Variants in KANK1 observed in about 807,000 individuals in gnomAD.
KANK1 encodes KN motif and ankyrin repeat domains 1.
In KANK1, 109 loss-of-function variants were observed where a neutral mutation model predicts 106.2. The ratio of observed to expected loss-of-function variants is 1.03; its 90% CI spans 0.88 to 1.20. The LOEUF is 1.20. Ranked by LOEUF, KANK1 falls within the 50% of genes most tolerant of loss-of-function variation. The pLI is 0.00. For synonymous variants in KANK1, 873 were observed against 652.2 expected (o/e 1.34, Z -5.16); for missense variants, 2,399 against 1,710.7 (o/e 1.40, Z -7.10).
intron 1 of KANK1, among the ~76,000 whole-genome samples, chr9:635,694 C>CTTTTTTTTTTTTTTTTTTTTT (rs1162836319): frequency 9.7e-6 from 1 of 103,374 alleles, no homozygotes; most frequent in Non-Finnish European, 1.8e-5. Flanking sequence ...CCTTTTTATT[C>CTTTTTTTTTTTTTTTTTTTTT]TTTTTTTTTT....
At chr9:681,907 T>C (rs189571985) in intron 2 of KANK1, among the ~76,000 whole-genome samples, 106 of 152,344 alleles carry the variant, frequency 7.0e-4, no homozygotes, top group African/African-American at 2.4e-3. Flanking sequence ...TCATGCTCTT[T>C]CTTTTTTTGC....
intron 1 of KANK1, among the ~76,000 whole-genome samples, chr9:608,586 C>T (rs977711990): frequency 6.7e-6 from 1 of 149,292 alleles, no homozygotes; most frequent in African/African-American, 2.6e-5. Context: ...AGAGTGGGCT[C>T]TCTCTCTAGT....
At position 712,366 on chromosome 9, in the gene KANK1, G is replaced by T. The variant is rs112166059; in HGVS notation, c.1600G>T (p.Val534Leu). The T allele has an allele frequency of 6.2e-7, 1 of 1,614,090 alleles. No homozygotes were observed. The highest frequency in any genetic ancestry group is 8.5e-7 in the Non-Finnish European group (1 of 1,180,050). ...DQMVGSHMDL[V>L]DTCVGTSVET... ...AATGGTCGGCAGTCACATGGACCTGGTGGACACGTGTGTTGGGACCTCCGT... is the reference window on the plus strand; with the variant it reads ...AATGGTCGGCAGTCACATGGACCTGTTGGACACGTGTGTTGGGACCTCCGT... The change falls in exon 3 of 12, where the codon GTG becomes TTG. Residue 534 changes from valine (V) to leucine (L), a missense_variant. Transcript: ENST00000382297.
At position 711,397 on chromosome 9, in the gene KANK1, C is replaced by A. The variant is rs1564036881; in HGVS notation, c.631C>A (p.Gln211Lys). The A allele has an allele frequency of 6.2e-7, 1 of 1,614,048 alleles. No individual in the cohort carries two copies. The highest frequency in any genetic ancestry group is 1.3e-5 in the African/African-American group (1 of 74,938). ...TGGAAACCACAATCCTGCCAAGCAC[C>A]AGCTTCAGAATGGATACCAAGGTAA... ...GSGNHNPAKHQLQNGYQGNGD... is the reference protein window; with the variant it reads ...GSGNHNPAKHKLQNGYQGNGD... Residue 211 changes from glutamine (Q) to lysine (K), a missense_variant, in exon 3 of 12, where the codon CAG (glutamine) becomes AAG (lysine). Gln to Lys is a moderately conservative substitution (Grantham distance 53, BLOSUM62 1). Transcript: ENST00000382297.
intron 11 of KANK1, 150 bp from the exon 12 acceptor site, chr9:745,023 A>G (rs1745248210): frequency 1.3e-6 from 2 of 1,508,106 alleles, no homozygotes; most frequent in Admixed American, 4.6e-5. Flanking sequence ...GGAGCTGTGG[A>G]CACCTGTTCC....
chr9:745,143 C>T (rs202195851), intron 11 of KANK1, 30 bp from the exon 12 acceptor site: 2 of 1,611,402 alleles, frequency 1.2e-6, no homozygotes, highest in Non-Finnish European at 1.7e-6. Flanking sequence ...ACTTATTAAC[C>T]CCCAGTTTTT....
chr9:498,476 G>C (rs1024838579), intron 3 of KANK1, among the ~76,000 whole-genome samples: 5 of 152,206 alleles, frequency 3.3e-5, no homozygotes, highest in African/African-American at 9.7e-5. Flanking sequence ...CAGTAGGATA[G>C]TCCTCCTTGT....
intron 1 of KANK1, among the ~76,000 whole-genome samples, chr9:537,371 C>T (rs916087526): frequency 6.6e-6 from 1 of 152,174 alleles, no homozygotes; most frequent in African/African-American, 2.4e-5. Flanking sequence ...CAGGCCCTCA[C>T]AAGTTAAATC....
chr9:516,964 C>T (rs1184119625), intron 1 of KANK1, among the ~76,000 whole-genome samples: 1 of 146,894 alleles, frequency 6.8e-6, no homozygotes, highest in Non-Finnish European at 1.5e-5. Context: ...GCCAGGTGTG[C>T]ATCTGAGTGT....
chr9:574,232 T>G (rs1819949989), intron 1 of KANK1, among the ~76,000 whole-genome samples: 2 of 152,214 alleles, frequency 1.3e-5, no homozygotes, highest in Non-Finnish European at 2.9e-5. Context: ...AGGCTAAGGA[T>G]CATGAGGATG....
intron 2 of KANK1, among the ~76,000 whole-genome samples, chr9:679,685 G>T (rs1163442405): frequency 6.6e-6 from 1 of 152,172 alleles, no homozygotes; most frequent in Non-Finnish European, 1.5e-5. Context: ...GGGATTACAG[G>T]CATGAGCCAC....
intron 2 of KANK1, among the ~76,000 whole-genome samples, chr9:692,751 A>C (rs1255439703): frequency 6.6e-6 from 1 of 151,916 alleles, no homozygotes; most frequent in Non-Finnish European, 1.5e-5. Context: ...GTGGTGGTTC[A>C]TGCCTGTAAT....
chr9:577,184 C>T (rs1820791903), intron 1 of KANK1, among the ~76,000 whole-genome samples: 1 of 152,194 alleles, frequency 6.6e-6, no homozygotes, highest in Non-Finnish European at 1.5e-5. Flanking sequence ...AAGCGGGTTG[C>T]CTCTGCTGGC....
chr9:540,860 T>G (rs1446230697), intron 1 of KANK1, among the ~76,000 whole-genome samples: 1 of 152,214 alleles, frequency 6.6e-6, no homozygotes, highest in African/African-American at 2.4e-5. Context: ...GTGGTATCAA[T>G]TGTAATGTCT....
intron 3 of KANK1, among the ~76,000 whole-genome samples, chr9:723,319 C>T (rs552681648): frequency 7.2e-5 from 11 of 152,148 alleles, no homozygotes; most frequent in Non-Finnish European, 1.6e-4. Context: ...AATTATAGCA[C>T]CTGGTATTCC....
At chr9:496,561 T>C (rs1192970872) in intron 3 of KANK1, among the ~76,000 whole-genome samples, 1 of 152,024 alleles carries the variant, frequency 6.6e-6, no homozygotes, top group Admixed American at 6.6e-5. Context: ...CATCTCAAAA[T>C]AAATAAATAC....
At chr9:719,523 A>G (rs576528388) in intron 3 of KANK1, among the ~76,000 whole-genome samples, 2 of 152,342 alleles carry the variant, frequency 1.3e-5, no homozygotes, top group African/African-American at 2.4e-5. Context: ...TCTTGGCACT[A>G]TCAATACAAA....
At chr9:578,420 G>A (rs961598343) in intron 1 of KANK1, among the ~76,000 whole-genome samples, 4 of 151,904 alleles carry the variant, frequency 2.6e-5, no homozygotes, top group African/African-American at 9.7e-5. Flanking sequence ...ATGGACCACA[G>A]ACAATTAAAT....
At chr9:596,554 T>C (rs1563830500) in intron 1 of KANK1, among the ~76,000 whole-genome samples, 1 of 151,718 alleles carries the variant, frequency 6.6e-6, no homozygotes, top group Non-Finnish European at 1.5e-5. Flanking sequence ...CCTTTTCCCC[T>C]GGCAATAGCT....
Sources: allele counts gnomAD v4.1 joint callset (sites outside exome capture counted in the v4.1 genomes callset), GRCh38; gene constraint gnomAD v4.1.1; transcripts MANE v1.5; gene names NCBI Gene and HGNC (gene_info 2026-07-23, HGNC 2026-07-21).